Variants in KANSL1 observed in about 807,000 individuals in gnomAD.
KANSL1 encodes the protein KAT8 regulatory NSL complex subunit 1.
In KANSL1, 22 loss-of-function variants were observed where a neutral mutation model predicts 103.6. The ratio of observed to expected loss-of-function variants is 0.21; its 90% confidence interval spans 0.15 to 0.30. KANSL1 has a LOEUF of 0.30. Among genes scored for constraint, KANSL1 ranks in the 10% least tolerant of loss-of-function variants. The pLI is 1.00. For synonymous variants in KANSL1, 600 were observed against 527.6 expected (o/e 1.14, Z -1.88); for missense variants, 1,337 against 1,399.8 (o/e 0.96, Z 0.72).
In KANSL1 at chr17:46,096,302, C is replaced by CTTTTT. The variant is rs1273083741; in HGVS notation, c.1290-1606_1290-1602dup. Among the ~76,000 whole-genome samples, 9 of 82,586 alleles carry CTTTTT rather than the reference C, an allele frequency of 1.1e-4. No homozygotes were observed. In the East Asian group the frequency reaches 3.0e-3, roughly 27 times the overall value. 54.2% of individuals were successfully genotyped at this position (82,586 alleles called of 152,430 possible). The stretch of plus-strand genomic sequence containing the variant: ...GATCAGGAGCATACTACATACCTGG[C>CTTTTT]TTTTTTTTCTTTTTTTTTTTTTTTT... On this transcript the variant is annotated intron_variant, in intron 2 of 14. Transcript: ENST00000432791.
chr17:46,202,602 A>G (rs957045199), intron 1 of KANSL1, among the ~76,000 whole-genome samples: 2 of 152,250 alleles, frequency 1.3e-5, no homozygotes, highest in Non-Finnish European at 2.9e-5. Flanking sequence ...AATCTAACGT[A>G]TAAATTGTCA....
upstream of KANSL1, among the ~76,000 whole-genome samples, chr17:46,197,694 A>G (rs2147964894): frequency 6.6e-6 from 1 of 152,384 alleles, no homozygotes; most frequent in Non-Finnish European, 1.5e-5. Flanking sequence ...CCTTGGTTAA[A>G]TGCTGTCTGT....
intron 3 of KANSL1, among the ~76,000 whole-genome samples, chr17:46,083,770 C>T (rs1473603112): frequency 1.3e-5 from 2 of 152,106 alleles, no homozygotes; most frequent in African/African-American, 4.8e-5. Context: ...AAACACTAGA[C>T]TTGATTAGTT....
chr17:46,112,065 TATA>T (rs1321818502), intron 2 of KANSL1, among the ~76,000 whole-genome samples: 4 of 152,056 alleles, frequency 2.6e-5, no homozygotes, highest in Non-Finnish European at 5.9e-5. Flanking sequence ...TAGGGAGTGT[TATA>T]TAATCATTAA....
At chr17:46,127,454 C>A (rs547252326) in intron 2 of KANSL1, among the ~76,000 whole-genome samples, 3 of 152,188 alleles carry the variant, frequency 2.0e-5, no homozygotes, top group Admixed American at 2.0e-4. Flanking sequence ...GATCCCGCTC[C>A]GGCAACAACA....
intron 3 of KANSL1, among the ~76,000 whole-genome samples, chr17:46,089,247 A>C (rs947893896): frequency 6.6e-6 from 1 of 152,210 alleles, no homozygotes; most frequent in African/African-American, 2.4e-5. Flanking sequence ...AGTACAGAGG[A>C]GTTCCTAGAA....
intron 2 of KANSL1, among the ~76,000 whole-genome samples, chr17:46,126,484 C>T (rs935070607): frequency 6.8e-6 from 1 of 147,132 alleles, no homozygotes; most frequent in African/African-American, 2.4e-5. Context: ...GACCACACTG[C>T]TTTTCTCAAT....
intron 2 of KANSL1, among the ~76,000 whole-genome samples, chr17:46,146,953 G>GT (rs2044742306): frequency 1.3e-5 from 2 of 151,914 alleles, no homozygotes; most frequent in Non-Finnish European, 2.9e-5. Context: ...TCCTTAGGTA[G>GT]TTCCAGCTAC....
chr17:46,086,787 C>T (rs191054496), intron 3 of KANSL1, among the ~76,000 whole-genome samples: 2 of 152,126 alleles, frequency 1.3e-5, no homozygotes, highest in East Asian at 3.9e-4. Flanking sequence ...AACCCTGTCT[C>T]CACAAAAACA....
At chr17:46,212,384 C>A (rs540135370) in intron 1 of KANSL1, among the ~76,000 whole-genome samples, 7 of 152,256 alleles carry the variant, frequency 4.6e-5, no homozygotes, top group African/African-American at 1.7e-4. Flanking sequence ...CCACGCCCAG[C>A]TAATTTTTGT....
chr17:46,214,616 T>G (rs1038428039), intron 1 of KANSL1, among the ~76,000 whole-genome samples: 2 of 152,134 alleles, frequency 1.3e-5, no homozygotes, highest in African/African-American at 4.8e-5. Flanking sequence ...ATCGCGCCGT[T>G]GCGCTCCAGC....
At chr17:46,149,800 G>C (rs1408270691) in intron 2 of KANSL1, among the ~76,000 whole-genome samples, 1 of 151,730 alleles carries the variant, frequency 6.6e-6, no homozygotes, top group African/African-American at 2.4e-5. Flanking sequence ...GAGGTCAGGA[G>C]ATCGAGACCA....
At chr17:46,115,029 G>T (rs4548919) in intron 2 of KANSL1, among the ~76,000 whole-genome samples, 21,705 of 151,758 alleles carry the variant, frequency 0.14, 2,129 homozygotes, top group Non-Finnish European at 0.22. Flanking sequence ...TTTTTTCTTT[G>T]GCAAACAGGT....
At chr17:46,067,022 A>G (rs1446823298) in intron 5 of KANSL1, among the ~76,000 whole-genome samples, 2 of 152,356 alleles carry the variant, frequency 1.3e-5, no homozygotes, top group East Asian at 3.8e-4. Context: ...CCTCTACATC[A>G]AACACACGAG....
intron 6 of KANSL1, among the ~76,000 whole-genome samples, chr17:46,058,739 ACACACTCTCTCTCTCTCTCT>A (rs1178403198): frequency 3.1e-3 from 92 of 30,128 alleles, no homozygotes; most frequent in African/African-American, 6.1e-3. Flanking sequence ...ACACACACAC[ACACACTCTCTCTCTCTCTCT>A]CTCTCTCTCT....
chr17:46,190,000 A>G (rs1025697803), intron 1 of KANSL1, among the ~76,000 whole-genome samples: 2 of 152,194 alleles, frequency 1.3e-5, no homozygotes, highest in Admixed American at 1.3e-4. Flanking sequence ...CAATACTAAA[A>G]TACCTTCTCA....
At chr17:46,083,866 C>T (rs2079066602) in intron 3 of KANSL1, among the ~76,000 whole-genome samples, 1 of 152,110 alleles carries the variant, frequency 6.6e-6, no homozygotes. Context: ...ATACGACAGA[C>T]TCTTATGAGC....
intron 6 of KANSL1, among the ~76,000 whole-genome samples, chr17:46,054,526 T>C (rs2077848391): frequency 6.6e-6 from 1 of 152,226 alleles, no homozygotes; most frequent in Non-Finnish European, 1.5e-5. Flanking sequence ...AGTGTAAATC[T>C]TGTTTTAAAA....
intron 10 of KANSL1, among the ~76,000 whole-genome samples, chr17:46,037,146 T>A (rs1334363450): frequency 1.3e-5 from 2 of 152,214 alleles, no homozygotes; most frequent in African/African-American, 2.4e-5. Context: ...CAGGCCTAAG[T>A]TAACATTCTC....
Sources: allele counts gnomAD v4.1 joint callset (sites outside exome capture counted in the v4.1 genomes callset), GRCh38; gene constraint gnomAD v4.1.1; transcripts MANE v1.5; gene names NCBI Gene and HGNC (gene_info 2026-07-23, HGNC 2026-07-21).